Variants in A2M observed in about 807,000 individuals in gnomAD.
A2M encodes alpha-2-macroglobulin.
A2M carries 128 observed loss-of-function variants against 183.9 expected under a neutral mutation model. The observed-to-expected ratio is 0.70, with a 90% CI of 0.60 to 0.81. The LOEUF (loss-of-function observed/expected upper bound fraction) is 0.81, where lower values mean the gene tolerates loss of function less well. Among genes scored for constraint, A2M ranks in the 30% least tolerant of loss-of-function variants. The probability of loss-of-function intolerance (pLI) is 0.00; values close to 1 mark genes in which losing one functional copy is unlikely to be tolerated. For synonymous variants in A2M, 592 were observed against 670.8 expected, an observed-to-expected ratio of 0.88 and a Z score of 1.81; for missense variants, 1,495 against 1,787.6, an observed-to-expected ratio of 0.84 and a Z score of 2.95.
chr12:9,113,967 C>T (rs1233091522), intron 1 of A2M, among the ~76,000 whole-genome samples: 1 of 152,186 alleles, frequency 6.6e-6, no homozygotes, highest in East Asian at 1.9e-4. Context: ...TATATATACA[C>T]ACATACATAC....
intron 14 of A2M, 89 bp downstream of exon 14, chr12:9,099,292 G>T: frequency 8.0e-7 from 1 of 1,254,622 alleles, no homozygotes; most frequent in Non-Finnish European, 1.1e-6. Flanking sequence ...TAACCCTTTT[G>T]GCCCTAATGT....
intron 22 of A2M, among the ~76,000 whole-genome samples, chr12:9,084,847 G>A (rs934111851): frequency 5.9e-5 from 9 of 152,032 alleles, no homozygotes; most frequent in African/African-American, 2.2e-4. Flanking sequence ...GATGTTCTAG[G>A]TAAATGGGGA....
In A2M at chr12:9,075,445, A is replaced by G. The variant is rs1948718580; in HGVS notation, c.3533-662T>C. 2.6e-5 allele frequency among the ~76,000 whole-genome samples: 4 copies of G among 152,190 alleles called. No homozygotes were observed. The South Asian group carries it at 8.3e-4, about 31-fold the overall frequency. On this transcript the variant is annotated intron_variant, in intron 28 of 35. Coordinates refer to ENST00000318602, the MANE Select transcript of A2M (RefSeq NM_000014.6). ...GCAGCATTTTTTTTAATAGCAAAAC[A>G]TAAAAAAAATCCATGAGGAGAAACT...
At position 9,106,720 on chromosome 12, in the gene A2M, A is replaced by C. The variant is rs1010409936; in HGVS notation, c.880-115T>G. 3 of 500,196 alleles carry C rather than the reference A, an allele frequency of 6.0e-6. No individual in the cohort carries two copies. The African/African-American group carries it at 8.2e-5, about 14-fold the overall frequency. 31.0% of individuals were successfully genotyped at this position (500,196 alleles called of 1,614,324 possible). ...GGACAACATCATGTAGGCATTTTCT[A>C]TGACGAGGACACAATAAATATTCTC... On this transcript the variant is annotated intron_variant, in intron 8 of 35. Coordinates refer to ENST00000318602, the MANE Select transcript of A2M (RefSeq NM_000014.6).
In A2M at chr12:9,070,588, CA is replaced by C; in HGVS notation, c.4104-11del. The C allele has an allele frequency of 1.2e-6, 2 of 1,600,740 alleles. No individual in the cohort carries two copies. Among genetic ancestry groups the C allele is most frequent in the Non-Finnish European group, 1.7e-6 (2 of 1,169,318 alleles). On this transcript the variant is annotated splice_polypyrimidine_tract_variant and intron_variant, in intron 31 of 35. Coordinates refer to ENST00000318602, the MANE Select transcript of A2M (RefSeq NM_000014.6). ...GCGGCTCCCTGTGTAACTGAGGATC[CA>C]GGGGAGGAAAGGATTAGGGTTTTCT...
chr12:9,082,429 G>A (rs1948934555), intron 22 of A2M, among the ~76,000 whole-genome samples: 1 of 152,288 alleles, frequency 6.6e-6, no homozygotes, highest in South Asian at 2.1e-4. Context: ...GGCCCAACCA[G>A]TGGCCCTACC....
chr12:9,109,768 C>A (rs1300407428), intron 6 of A2M, 99 bp downstream of exon 6: 32 of 1,206,422 alleles, frequency 2.7e-5, no homozygotes, highest in Non-Finnish European at 3.5e-5. Flanking sequence ...CCAATGTCAC[C>A]CATGGGAAAT....
At chr12:9,068,905 T>G in intron 33 of A2M, 63 bp from the exon 34 acceptor site, 3 of 1,221,876 alleles carry the variant, frequency 2.5e-6, no homozygotes, top group South Asian at 3.0e-5. Context: ...TGAATTAGTT[T>G]AAGTATTCAC....
rs2229298 is a variant in A2M at position 9,106,261 on chromosome 12, C to T, written c.1079G>A (p.Arg360Gln). Residue 360 changes from arginine to glutamine, a missense_variant, in exon 10 of 36, where the codon CGA becomes CAA. Arg to Gln is a conservative substitution (Grantham distance 43, BLOSUM62 1). Coordinates refer to ENST00000318602, the MANE Select transcript of A2M (RefSeq NM_000014.6). ...LSFVKVDSHF[R>Q]QGIPFFGQVR... ...CTGCCCAAAGAAGGGAATTCCCTGT[C>T]GAAAGTGTGAGTCCACTTTCACAAA... 7,277 of 1,611,286 alleles carry T rather than the reference C, an allele frequency of 4.5e-3. 390 individuals carry two copies. The Admixed American group carries it at 0.11, about 23-fold the overall frequency.
intron 33 of A2M, among the ~76,000 whole-genome samples, chr12:9,069,498 T>C (rs1002615459): frequency 2.0e-5 from 3 of 152,210 alleles, no homozygotes; most frequent in African/African-American, 7.2e-5. Context: ...AAACACATTT[T>C]GTGAAGATTT....
chr12:9,110,407 G>T, intron 4 of A2M, 73 bp from the exon 5 acceptor site: 1 of 878,112 alleles, frequency 1.1e-6, no homozygotes, highest in Non-Finnish European at 1.7e-6. Flanking sequence ...AAGCAAAGCA[G>T]CTAGTATTTG....
At position 9,095,013 on chromosome 12, in the gene A2M, A is replaced by T; in HGVS notation, c.2085T>A (p.Tyr695Ter). 6.3e-7 allele frequency: 1 copy of T among 1,593,112 alleles called. No homozygotes were observed. The highest frequency in any genetic ancestry group is 8.6e-7 in the Non-Finnish European group (1 of 1,168,596). Residue 695 changes from tyrosine (Y) to a stop codon, truncating the protein, a stop_gained, in exon 17 of 36, where the codon TAT (tyrosine) becomes TAA (stop). Coordinates refer to ENST00000318602, the MANE Select transcript of A2M (RefSeq NM_000014.6). LOFTEE classifies it high-confidence loss of function. ...KPKMCPQLQQ[Y>*]EMHGPEGLRV... ...GTAGACCTTCAGGTCCATGCATTTC[A>T]TACTGTTGAAGCTGTGGACACATTT...
intron 8 of A2M, 62 bp downstream of exon 8, chr12:9,107,462 A>G (rs975260682): frequency 1.3e-6 from 2 of 1,585,476 alleles, no homozygotes; most frequent in Admixed American, 1.7e-5. Flanking sequence ...AAATGCTGCA[A>G]CTCACTGCTT....
At chr12:9,088,389 A>G (rs1456389640) in intron 22 of A2M, among the ~76,000 whole-genome samples, 2 of 152,196 alleles carry the variant, frequency 1.3e-5, no homozygotes, top group African/African-American at 4.8e-5. Flanking sequence ...CAAAATGAGT[A>G]ACTCAGAAAC....
chr12:9,115,335 T>C (rs1939040226), intron 1 of A2M: 1 of 156,032 alleles, frequency 6.4e-6, no homozygotes, highest in Non-Finnish European at 1.4e-5. Flanking sequence ...TTCAAATTGT[T>C]CCTTTATTTG....
At position 9,095,061 on chromosome 12, in the gene A2M, G is replaced by T; in HGVS notation, c.2037C>A (p.Thr679=). The T allele has an allele frequency of 6.3e-7, 1 of 1,590,364 alleles. No homozygotes were observed. The stretch of plus-strand genomic sequence containing the variant: ...TTTTGGGTTTACGAATCTTTGAGTT[G>T]GTGAATGCCTTTAAGCCCATGTCCT... ...FLEDMGLKAF[T]NSKIRKPKMC... The change falls in exon 17 of 36, where the codon ACC becomes ACA. Residue 679 remains threonine (T), a synonymous_variant. Transcript: ENST00000318602.
At chr12:9,094,361 A>G (rs1949306865) in intron 17 of A2M, among the ~76,000 whole-genome samples, 2 of 144,444 alleles carry the variant, frequency 1.4e-5, no homozygotes, top group Non-Finnish European at 3.0e-5. Flanking sequence ...ATATATATAT[A>G]TATATATATA....
intron 10 of A2M, among the ~76,000 whole-genome samples, chr12:9,105,602 C>T (rs1317623919): frequency 6.6e-6 from 1 of 152,166 alleles, no homozygotes; most frequent in Non-Finnish European, 1.5e-5. Context: ...TCCATTTGCA[C>T]ATCTGCTGAC....
Position 9,068,183 on chromosome 12 carries a change from C to T in A2M, c.4408G>A (p.Asp1470Asn). 4.3e-6 allele frequency: 7 copies of T among 1,612,188 alleles called. No individual in the cohort carries two copies. Among genetic ancestry groups the T allele is most frequent in the Non-Finnish European group, 5.9e-6 (7 of 1,179,650 alleles). Residue 1470 changes from aspartate (D) to asparagine (N), a missense_variant and splice_region_variant, in exon 35 of 36, where the codon GAT becomes AAT. Coordinates refer to ENST00000318602, the MANE Select transcript of A2M (RefSeq NM_000014.6). ...IAEYNAPCSK[D>N]LGNA ...TTTTGGAGGAGTGTGAGTGGCTTAC[C>T]TTTGCTGCAAGGAGCATTGTACTCA...
Sources: gnomAD v4.1 joint callset for allele counts (sites outside exome capture counted in the v4.1 genomes callset) on GRCh38, gnomAD v4.1.1 for gene constraint, MANE v1.5 for transcripts, NCBI Gene and HGNC (gene_info 2026-07-23, HGNC 2026-07-21) for gene names.